Variants in OPCML observed in about 807,000 individuals in gnomAD.
The protein encoded by OPCML is opioid-binding protein/cell adhesion molecule.
In OPCML, 13 loss-of-function variants were observed where a neutral mutation model predicts 37.8. The observed-to-expected ratio is 0.34, with a 90% CI of 0.22 to 0.55. The LOEUF is 0.55. Ranked by LOEUF, OPCML falls within the 20% of genes least tolerant of loss-of-function variation. OPCML has a pLI of 0.91. For synonymous variants in OPCML, 176 were observed against 168.8 expected (o/e 1.04, Z -0.33); for missense variants, 341 against 435.6 (o/e 0.78, Z 1.93).
At chr11:132,648,269 G>A (rs1441924473) in intron 3 of OPCML, among the ~76,000 whole-genome samples, 3 of 152,152 alleles carry the variant, frequency 2.0e-5, no homozygotes, top group African/African-American at 7.2e-5. Flanking sequence ...TCTGAGGTGT[G>A]ATTGCTCCCC....
chr11:132,802,184 G>A (rs763045091), intron 2 of OPCML, among the ~76,000 whole-genome samples: 50 of 152,050 alleles, frequency 3.3e-4, no homozygotes, highest in Non-Finnish European at 6.3e-4. Context: ...AGCACAAACC[G>A]TCACCATCTC....
chr11:133,522,444 G>T lies in OPCML; in HGVS notation c.61+9820C>A, dbSNP rs180959459. 3.1e-4 allele frequency among the ~76,000 whole-genome samples: 47 copies of T among 152,272 alleles called. 1 individual carries two copies. Among genetic ancestry groups the T allele is most frequent in the African/African-American group, 1.1e-3 (45 of 41,572 alleles). On this transcript the variant is annotated intron_variant, in intron 1 of 7. Transcript: ENST00000524381. The stretch of plus-strand genomic sequence containing the variant: ...TCCCAGATCATTACAAAGGTCATTC[G>T]AAGTATGCAAATGCCACTGAAGGAG...
chr11:132,702,433 G>T, intron 2 of OPCML, among the ~76,000 whole-genome samples: 1 of 152,196 alleles, frequency 6.6e-6, no homozygotes, highest in East Asian at 1.9e-4. Context: ...ATGGGAGTTG[G>T]GGGAGGGTTT....
At chr11:132,844,550 C>A (rs1409696675) in intron 2 of OPCML, among the ~76,000 whole-genome samples, 1 of 152,052 alleles carries the variant, frequency 6.6e-6, no homozygotes, top group Admixed American at 6.5e-5. Flanking sequence ...AGACAAAGGG[C>A]AAGAACAGTT....
At position 133,173,040 on chromosome 11, in the gene OPCML, A is replaced by C. The variant is rs1950309106; in HGVS notation, c.62-230030T>G. Among the ~76,000 whole-genome samples, 1 of 152,256 alleles carries C rather than the reference A, an allele frequency of 6.6e-6. No individual in the cohort carries two copies. On this transcript the variant is annotated intron_variant, in intron 1 of 7. Coordinates refer to ENST00000524381, the MANE Select transcript of OPCML (RefSeq NM_001012393.5). This position sits in a 1 kb window ranked among gnomAD's most constrained non-coding sequence, Gnocchi z 7.8. Reference sequence around the variant, plus strand: ...TTACATGGCTTAATAATCAAACATCACTTGGACAATTCTGAACCAAAGTTA... The same window carrying C: ...TTACATGGCTTAATAATCAAACATCCCTTGGACAATTCTGAACCAAAGTTA...
chr11:133,032,220 A>G (rs929204792), intron 1 of OPCML, among the ~76,000 whole-genome samples: 5 of 152,190 alleles, frequency 3.3e-5, no homozygotes, highest in African/African-American at 4.8e-5. Flanking sequence ...CTGGTTAAAT[A>G]TCTTCAGTCA....
At chr11:132,735,398 A>AAGAGATCTTTGAAT (rs1945219970) in intron 2 of OPCML, among the ~76,000 whole-genome samples, 1 of 152,218 alleles carries the variant, frequency 6.6e-6, no homozygotes, top group African/African-American at 2.4e-5. Flanking sequence ...ACTTCTCTGG[A>AAGAGATCTTTGAAT]AGAGATCTTT....
At chr11:132,911,121 C>A (rs1944414820) in intron 2 of OPCML, among the ~76,000 whole-genome samples, 1 of 152,264 alleles carries the variant, frequency 6.6e-6, no homozygotes, top group Non-Finnish European at 1.5e-5. Flanking sequence ...CACCCCAATT[C>A]TCTTCTACCA....
Position 132,541,943 on chromosome 11 carries a change from T to C in OPCML, c.380-12757A>G, listed in dbSNP as rs142094985. Among the ~76,000 whole-genome samples, 13 of 152,292 alleles carry C rather than the reference T, an allele frequency of 8.5e-5. No individual in the cohort carries two copies. In the East Asian group the frequency reaches 2.1e-3, roughly 25 times the overall value. On this transcript the variant is annotated intron_variant, in intron 3 of 7. Transcript: ENST00000524381. The stretch of plus-strand genomic sequence containing the variant: ...GCCCTCACTTTGATGATCTGAGAAG[T>C]AGGTCATACCAAAAGCACCTGTTGC...
chr11:132,726,820 C>A (rs185001247), intron 2 of OPCML, among the ~76,000 whole-genome samples: 1 of 152,308 alleles, frequency 6.6e-6, no homozygotes, highest in East Asian at 1.9e-4. Context: ...TACCGCTCAT[C>A]CAACAGACGT....
chr11:132,631,375 A>ATATATATC (rs1491278364), intron 3 of OPCML, among the ~76,000 whole-genome samples: 7 of 139,590 alleles, frequency 5.0e-5, no homozygotes, highest in Non-Finnish European at 7.8e-5. Context: ...ATATATATAT[A>ATATATATC]TCTCCTAGGT....
At chr11:132,640,462 C>A (rs1255313185) in intron 3 of OPCML, among the ~76,000 whole-genome samples, 1 of 152,170 alleles carries the variant, frequency 6.6e-6, no homozygotes, top group Non-Finnish European at 1.5e-5. Context: ...TTTGTTCACC[C>A]ACACATATGC....
intron 4 of OPCML, among the ~76,000 whole-genome samples, chr11:132,455,495 G>A (rs753506600): frequency 2.0e-5 from 3 of 152,102 alleles, no homozygotes; most frequent in Non-Finnish European, 4.4e-5. Flanking sequence ...CTTCAAATCC[G>A]CCCTCGAGTG....
intron 1 of OPCML, among the ~76,000 whole-genome samples, chr11:133,168,856 C>G (rs542741310): frequency 6.6e-6 from 1 of 152,186 alleles, no homozygotes; most frequent in African/African-American, 2.4e-5. Flanking sequence ...TGGCCAGGCA[C>G]GGTGGCTCAC....
chr11:133,499,374 C>T (rs34987475), intron 1 of OPCML, among the ~76,000 whole-genome samples: 4,126 of 152,256 alleles, frequency 0.027, 74 homozygotes, highest in Non-Finnish European at 0.044. Context: ...TCCTGCTATC[C>T]AAATAGTGTT....
chr11:132,700,226 CTT>C (rs1943754071), intron 2 of OPCML, among the ~76,000 whole-genome samples: 1 of 151,782 alleles, frequency 6.6e-6, no homozygotes, highest in Non-Finnish European at 1.5e-5. Context: ...GTTAGTCACT[CTT>C]GTTTGTCCTT....
chr11:132,867,984 C>T (rs543055821), intron 2 of OPCML, among the ~76,000 whole-genome samples: 2 of 152,178 alleles, frequency 1.3e-5, no homozygotes, highest in South Asian at 2.1e-4. Flanking sequence ...CTCGGGGCTC[C>T]GTGTTCAAGC....
At chr11:133,284,486 C>T (rs1328597043) in intron 1 of OPCML, among the ~76,000 whole-genome samples, 1 of 152,170 alleles carries the variant, frequency 6.6e-6, no homozygotes, top group African/African-American at 2.4e-5. Flanking sequence ...CTGCCTTCTT[C>T]GTGAGACAGC....
intron 1 of OPCML, among the ~76,000 whole-genome samples, chr11:133,448,911 A>G (rs1310795734): frequency 6.6e-6 from 1 of 152,232 alleles, no homozygotes; most frequent in Non-Finnish European, 1.5e-5. Context: ...CTACTGCCAA[A>G]TTTGTAATCT....
Sources: allele counts gnomAD v4.1 joint callset (sites outside exome capture counted in the v4.1 genomes callset), GRCh38; gene constraint gnomAD v4.1.1; non-coding constraint Gnocchi (gnomAD v3.1); transcripts MANE v1.5; gene names NCBI Gene and HGNC (gene_info 2026-07-23, HGNC 2026-07-21).